EPN2: variants seen among roughly 807,000 people sequenced by gnomAD.
The protein encoded by EPN2 is epsin-2.
Under a neutral mutation model 61.7 loss-of-function variants are expected in EPN2, and 34 were observed. The observed-to-expected ratio is 0.55, with a 90% CI of 0.42 to 0.73. EPN2 has a LOEUF of 0.73. EPN2 is among the 30% of genes least tolerant of loss of function. The pLI, the probability that EPN2 is intolerant of heterozygous loss-of-function variation, is 0.00. For synonymous variants in EPN2, 349 were observed against 353.6 expected (o/e 0.99, Z 0.15); for missense variants, 714 against 839.2 (o/e 0.85, Z 1.84).
In EPN2 at chr17:19,294,520, G is replaced by T. The variant is rs79592158; in HGVS notation, c.766+8730G>T. Among the ~76,000 whole-genome samples the T allele has an allele frequency of 6.5e-3, 992 of 152,314 alleles. 52 individuals carry two copies. The East Asian group carries it at 0.12, about 18-fold the overall frequency. On this transcript the variant is annotated intron_variant, in intron 4 of 10. Coordinates refer to ENST00000314728, the MANE Select transcript of EPN2 (RefSeq NM_014964.5). The stretch of plus-strand genomic sequence containing the variant: ...ATACAATATTTACCTGTTTTTTAAG[G>T]ATCCTTTGTAGTATAGGTAAACAAA...
intron 1 of EPN2, 77 bp downstream of exon 1, chr17:19,237,608 A>C (rs910204575): frequency 7.2e-5 from 11 of 151,750 alleles, no homozygotes; most frequent in African/African-American, 2.7e-4. Flanking sequence ...CAGGGCGCGG[A>C]CGCCCCCAGA....
At chr17:19,267,269 T>C (rs2045209570) in intron 1 of EPN2, among the ~76,000 whole-genome samples, 1 of 151,960 alleles carries the variant, frequency 6.6e-6, no homozygotes, top group South Asian at 2.1e-4. Flanking sequence ...TTGGGCTTAA[T>C]TTTGGAGTGT....
At chr17:19,258,875 C>G (rs937651493) in intron 1 of EPN2, among the ~76,000 whole-genome samples, 6 of 152,176 alleles carry the variant, frequency 3.9e-5, no homozygotes, top group African/African-American at 1.4e-4. Context: ...GGGGTGAGAC[C>G]GCTGTGTCAA....
In EPN2 at chr17:19,313,209, C is replaced by T; in HGVS notation, c.1077C>T (p.Ser359=). 1 of 1,609,420 alleles carries T rather than the reference C, an allele frequency of 6.2e-7. No homozygotes were observed. Among genetic ancestry groups the T allele is most frequent in the Non-Finnish European group, 8.5e-7 (1 of 1,178,462 alleles). The part of the protein sequence containing the change: ...QKAEPWGPSA[S]TNQTNPWGGP... ...CAGAGCCCTGGGGCCCGTCAGCCTC[C>T]ACTAACCAGACCAACCCCTGGGGCG... The change falls in exon 7 of 11, where the codon TCC becomes TCT. Residue 359 remains serine (S), a synonymous_variant. Transcript: ENST00000314728.
intron 7 of EPN2, among the ~76,000 whole-genome samples, chr17:19,317,732 A>G (rs936727273): frequency 6.6e-6 from 1 of 152,174 alleles, no homozygotes; most frequent in Non-Finnish European, 1.5e-5. Context: ...GGTATGTGGC[A>G]TGGCCTGGAC....
chr17:19,308,095 A>T, intron 4 of EPN2: 2 of 937,110 alleles, frequency 2.1e-6, no homozygotes, highest in Non-Finnish European at 2.5e-6. Flanking sequence ...ATTTTTTGAG[A>T]TGCAGTCTTG....
At chr17:19,282,929 A>C in intron 2 of EPN2, 21 bp from the exon 3 acceptor site, 3 of 556,882 alleles carry the variant, frequency 5.4e-6, no homozygotes, top group Non-Finnish European at 6.4e-6. Context: ...TCGCAGTGGA[A>C]TGGGTTTTCT....
intron 4 of EPN2, among the ~76,000 whole-genome samples, chr17:19,306,905 A>G (rs1490859761): frequency 4.6e-5 from 7 of 152,244 alleles, no homozygotes; most frequent in African/African-American, 1.7e-4. Context: ...TTGTGAACCA[A>G]GCCTCAGAGA....
intron 7 of EPN2, among the ~76,000 whole-genome samples, chr17:19,327,386 T>C (rs1906931200): frequency 6.6e-6 from 1 of 151,894 alleles, no homozygotes; most frequent in Non-Finnish European, 1.5e-5. Flanking sequence ...GTTCGGAAAA[T>C]AGGGACTTGG....
intron 1 of EPN2, 53 bp from the exon 2 acceptor site, chr17:19,281,902 T>C (rs1475823489): frequency 6.6e-6 from 1 of 152,258 alleles, no homozygotes; most frequent in Non-Finnish European, 1.5e-5. Context: ...GACTGTGGCC[T>C]TCTTGAGGGC....
In EPN2 at chr17:19,254,955, G is replaced by T. The variant is rs141876183; in HGVS notation, c.-294+17424G>T. On this transcript the variant is annotated intron_variant, in intron 1 of 10. Transcript: ENST00000314728. The stretch of plus-strand genomic sequence containing the variant: ...CATGGTTGTCAGTGTGGAAAGTGAA[G>T]TGGATTTGGTGGTGTGTTTCATGTG... Among the ~76,000 whole-genome samples, 43 of 152,328 alleles carry T rather than the reference G, an allele frequency of 2.8e-4. 1 individual carries two copies. In the East Asian group the frequency reaches 7.7e-3, roughly 27 times the overall value.
Position 19,276,773 on chromosome 17 carries a change from G to GTTTTTTTTTTTTTTTTTTTTTTT in EPN2, c.-293-5164_-293-5163insTTTTTTTTTTTTTTTTTTTTTTT, listed in dbSNP as rs80078595. 6.0e-4 allele frequency among the ~76,000 whole-genome samples: 72 copies of GTTTTTTTTTTTTTTTTTTTTTTT among 119,308 alleles called. 3 individuals are homozygous for GTTTTTTTTTTTTTTTTTTTTTTT. The highest frequency in any genetic ancestry group is 2.5e-3 in the East Asian group (10 of 4,058). 78.3% of individuals were successfully genotyped at this position (119,308 alleles called of 152,430 possible). On this transcript the variant is annotated intron_variant, in intron 1 of 10. Transcript: ENST00000314728. ...GTCAGTATGTAATTTATGAGAATAA[G>GTTTTTTTTTTTTTTTTTTTTTTT]TTTTTTTTTTTTTTTTTTGCTGTAT...
intron 7 of EPN2, among the ~76,000 whole-genome samples, chr17:19,315,315 C>T (rs148136460): frequency 6.6e-6 from 1 of 152,242 alleles, no homozygotes; most frequent in East Asian, 1.9e-4. Context: ...ATGTTGAGAG[C>T]ACCCTGGGGT....
intron 7 of EPN2, 100 bp downstream of exon 7, chr17:19,313,379 T>C: frequency 2.6e-6 from 3 of 1,155,892 alleles, no homozygotes; most frequent in Non-Finnish European, 2.4e-6. Context: ...TCTGGTCGAT[T>C]GTGGTGGGTG....
At chr17:19,248,721 A>C (rs1039763351) in intron 1 of EPN2, among the ~76,000 whole-genome samples, 1 of 152,184 alleles carries the variant, frequency 6.6e-6, no homozygotes, top group Non-Finnish European at 1.5e-5. Flanking sequence ...GGAACGCCTG[A>C]GTGAATAAAA....
At chr17:19,267,632 T>A (rs1263628908) in intron 1 of EPN2, among the ~76,000 whole-genome samples, 5 of 151,160 alleles carry the variant, frequency 3.3e-5, no homozygotes, top group African/African-American at 1.2e-4. Context: ...AACCTCTGCC[T>A]CCCGGGTTCA....
At chr17:19,305,921 G>A (rs1709977600) in intron 4 of EPN2, 1 of 152,208 alleles carries the variant, frequency 6.6e-6, no homozygotes, top group Non-Finnish European at 1.5e-5. Flanking sequence ...GACTGGAAAG[G>A]ATAGAAATAA....
chr17:19,239,674 A>G (rs1212118521), intron 1 of EPN2, among the ~76,000 whole-genome samples: 2 of 152,122 alleles, frequency 1.3e-5, no homozygotes, highest in Non-Finnish European at 2.9e-5. Flanking sequence ...GCCAGTTCGG[A>G]TTGTCTTGTG....
chr17:19,323,195 T>C (rs1331313192), intron 7 of EPN2, among the ~76,000 whole-genome samples: 1 of 152,130 alleles, frequency 6.6e-6, no homozygotes, highest in African/African-American at 2.4e-5. Context: ...TGGTGCTGTA[T>C]GATAAGTGAT....
Sources: allele counts gnomAD v4.1 joint callset (sites outside exome capture counted in the v4.1 genomes callset), GRCh38; gene constraint gnomAD v4.1.1; transcripts MANE v1.5; gene names NCBI Gene and HGNC (gene_info 2026-07-23, HGNC 2026-07-21).